Variants in C4orf33 observed in about 807,000 individuals in gnomAD.
The protein encoded by C4orf33 is chromosome 4 open reading frame 33, also known as UPF0462 protein C4orf33.
In C4orf33, 20 loss-of-function variants were observed where a neutral mutation model predicts 24.3. The ratio of observed to expected loss-of-function variants is 0.82; its 90% CI spans 0.58 to 1.19. The LOEUF is 1.19. Among genes scored for constraint, C4orf33 ranks in the 50% most tolerant of loss-of-function variants. C4orf33 has a pLI of 0.00. For synonymous variants in C4orf33, 67 were observed against 76.4 expected (o/e 0.88, Z 0.64); for missense variants, 207 against 225.9 (o/e 0.92, Z 0.54).
rs547277644 is a variant in C4orf33 at position 129,109,311 on chromosome 4, G to A, written c.247G>A (p.Gly83Arg). Residue 83 changes from glycine (G) to arginine (R), a missense_variant, in exon 4 of 6, where the codon GGA (glycine) becomes AGA (arginine). Gly to Arg is a moderately radical substitution (Grantham distance 125). Transcript: ENST00000425929. ...QYLEVELCPH[G>R]QHLVLLLSGR... ...GAGGAATCTTAATTTTGACAGCCAC[G>A]GACAGCATTTAGTGCTTTTACTTTC... 1.1e-4 allele frequency: 178 copies of A among 1,613,838 alleles called. No homozygotes were observed. Among genetic ancestry groups the A allele is most frequent in the Admixed American group, 2.0e-4 (12 of 60,024 alleles).
chr4:129,116,154 A>C lies in C4orf33; in HGVS notation c.*4363A>C, dbSNP rs568851314. 3 of 152,106 alleles carry C rather than the reference A, an allele frequency of 2.0e-5. No individual in the cohort carries two copies. The South Asian group carries it at 6.2e-4, about 31-fold the overall frequency. 9.4% of individuals were successfully genotyped at this position (152,106 alleles called of 1,614,324 possible). A position where few individuals can be genotyped will look rare whatever the true frequency, so the allele number is the denominator to read the frequency against. On this transcript the variant is annotated 3_prime_UTR_variant, in exon 6 of 6. Transcript: ENST00000425929. Reference sequence around the variant, plus strand: ...GGGGTGTCTGTGCATATTTTATTTTATTTCATAATAAATAACCAGTAATTA... The same window carrying C: ...GGGGTGTCTGTGCATATTTTATTTTCTTTCATAATAAATAACCAGTAATTA...
At chr4:129,110,832 T>G (rs765504514) in intron 5 of C4orf33, among the ~76,000 whole-genome samples, 1 of 152,116 alleles carries the variant, frequency 6.6e-6, no homozygotes, top group Non-Finnish European at 1.5e-5. Flanking sequence ...TCCCCTTCCT[T>G]TTTCTTATCC....
chr4:129,102,900 G>C (rs1753403736), intron 2 of C4orf33, 109 bp downstream of exon 2: 1 of 902,444 alleles, frequency 1.1e-6, no homozygotes, highest in Admixed American at 2.7e-5. Flanking sequence ...CTGAGCAATT[G>C]ACATGTACAG....
chr4:129,116,485 T>G lies in C4orf33; in HGVS notation c.*4694T>G, dbSNP rs1753778889. On this transcript the variant is annotated 3_prime_UTR_variant, in exon 6 of 6. Coordinates refer to ENST00000425929, the MANE Select transcript of C4orf33 (RefSeq NM_001099783.2). The stretch of plus-strand genomic sequence containing the variant: ...CCGTTAAACAGCATTTCTGACTCAA[T>G]AGTACACTGAAAGCCCATGTTTGTA... 6.6e-6 allele frequency: 1 copy of G among 152,160 alleles called. No individual in the cohort carries two copies. Among genetic ancestry groups the G allele is most frequent in the African/African-American group, 2.4e-5 (1 of 41,420 alleles). 9.4% of individuals were successfully genotyped at this position (152,160 alleles called of 1,614,324 possible). A position where few individuals can be genotyped will look rare whatever the true frequency, so the allele number is the denominator to read the frequency against.
intron 2 of C4orf33, among the ~76,000 whole-genome samples, chr4:129,105,408 GAAT>G (rs1319024815): frequency 7.2e-5 from 11 of 152,088 alleles, no homozygotes; most frequent in African/African-American, 2.7e-4. Flanking sequence ...GAAACAACTA[GAAT>G]AATATGTTAC....
At chr4:129,110,027 G>T in intron 5 of C4orf33, 1 of 1,044,510 alleles carries the variant, frequency 9.6e-7, no homozygotes, top group Non-Finnish European at 1.2e-6. Flanking sequence ...TTCCTGGTGT[G>T]AACAAACAGT....
At chr4:129,110,782 T>C (rs1753674468) in intron 5 of C4orf33, among the ~76,000 whole-genome samples, 2 of 152,176 alleles carry the variant, frequency 1.3e-5, no homozygotes, top group Admixed American at 1.3e-4. Context: ...TCCCTTTGCC[T>C]TTCTCCCCAA....
In C4orf33 at chr4:129,102,869, GC is replaced by G; in HGVS notation, c.181+79del. On this transcript the variant is annotated intron_variant, in intron 2 of 5. Transcript: ENST00000425929. Reference sequence around the variant, plus strand: ...TCTCACAGAACTATTATTTTATCTTGCTGTTGGGAAGTAAGTGCTTCTGAGC... The same window carrying G: ...TCTCACAGAACTATTATTTTATCTTGTGTTGGGAAGTAAGTGCTTCTGAGC... 11 of 1,356,728 alleles carry G rather than the reference GC, an allele frequency of 8.1e-6. No homozygotes were observed. The South Asian group carries it at 1.6e-4, about 19-fold the overall frequency. The allele number at this position is 1,356,728 out of a possible 1,614,324, so 84.0% of individuals were successfully genotyped here.
intron 3 of C4orf33, among the ~76,000 whole-genome samples, chr4:129,108,673 A>C (rs1353569932): frequency 2.0e-5 from 3 of 152,196 alleles, no homozygotes; most frequent in African/African-American, 7.2e-5. Context: ...AAAAACTCCA[A>C]ATAACATGGT....
At chr4:129,105,243 C>T (rs557999445) in intron 2 of C4orf33, among the ~76,000 whole-genome samples, 3 of 152,214 alleles carry the variant, frequency 2.0e-5, no homozygotes, top group African/African-American at 7.2e-5. Context: ...AGGCTGTCTG[C>T]TGGTAGAATT....
chr4:129,095,620 G>T (rs182933354), upstream of C4orf33, among the ~76,000 whole-genome samples: 1 of 152,198 alleles, frequency 6.6e-6, no homozygotes, highest in Non-Finnish European at 1.5e-5. Flanking sequence ...ACATTCATTT[G>T]GTTGATCAAT....
chr4:129,110,682 TCTC>T (rs1177981366), intron 5 of C4orf33, among the ~76,000 whole-genome samples: 1 of 149,418 alleles, frequency 6.7e-6, no homozygotes, highest in Non-Finnish European at 1.5e-5. Flanking sequence ...CTGTTTGCCT[TCTC>T]CTTCCTGCCA....
intron 1 of C4orf33, among the ~76,000 whole-genome samples, chr4:129,099,917 T>C (rs545819840): frequency 3.4e-4 from 52 of 151,988 alleles, no homozygotes; most frequent in Non-Finnish European, 5.3e-4. Flanking sequence ...CTTTAAGCGA[T>C]ATAAAGTTTA....
chr4:129,095,262 C>T (rs1753163113), upstream of C4orf33, among the ~76,000 whole-genome samples: 1 of 152,184 alleles, frequency 6.6e-6, no homozygotes, highest in Non-Finnish European at 1.5e-5. Context: ...CTCCTTTTCA[C>T]ATCTCCTGAG....
chr4:129,098,331 C>G (rs1029267891), intron 1 of C4orf33, among the ~76,000 whole-genome samples: 8 of 152,120 alleles, frequency 5.3e-5, no homozygotes, highest in Non-Finnish European at 7.4e-5. Flanking sequence ...CTTCCCTCCC[C>G]CCTCTAGTAG....
In C4orf33 at chr4:129,111,815, C is replaced by T. The variant is rs763316305; in HGVS notation, c.*24C>T. ...AGGAGTAATAGATAACCATACCGAT[C>T]ATTTTTTCCTCTATACCTTTTAAGA... On this transcript the variant is annotated 3_prime_UTR_variant, in exon 6 of 6. Transcript: ENST00000425929. The T allele has an allele frequency of 2.2e-6, 3 of 1,353,622 alleles. No homozygotes were observed. Among genetic ancestry groups the T allele is most frequent in the East Asian group, 2.3e-5 (1 of 43,264 alleles). The allele number at this position is 1,353,622 out of a possible 1,614,324, so 83.9% of individuals were successfully genotyped here.
At chr4:129,111,625 A>G (rs1406809533) in intron 5 of C4orf33, 61 bp from the exon 6 acceptor site, 1 of 963,684 alleles carries the variant, frequency 1.0e-6, no homozygotes, top group Non-Finnish European at 1.7e-6. Context: ...GCCCTTCAGG[A>G]CAACTATTTC....
chr4:129,101,931 A>G (rs1302991826), intron 1 of C4orf33, among the ~76,000 whole-genome samples: 3 of 152,166 alleles, frequency 2.0e-5, no homozygotes, highest in Non-Finnish European at 2.9e-5. Context: ...GCTGGGACAA[A>G]GGAAGGCAAA....
At position 129,111,762 on chromosome 4, in the gene C4orf33, C is replaced by G; in HGVS notation, c.571C>G (p.Leu191Val). 1 of 1,610,590 alleles carries G rather than the reference C, an allele frequency of 6.2e-7. No individual in the cohort carries two copies. Among genetic ancestry groups the G allele is most frequent in the Non-Finnish European group, 8.5e-7 (1 of 1,177,156 alleles). Residue 191 changes from leucine to valine, a missense_variant, in exon 6 of 6, where the codon CTG becomes GTG. Transcript: ENST00000425929. ...GEEWKQPESD[L>V]WLIEKCDI ...AGAGTGGAAACAACCGGAATCAGACCTGTGGCTAATAGAGAAATGTGATAT... is the reference window on the plus strand; with the variant it reads ...AGAGTGGAAACAACCGGAATCAGACGTGTGGCTAATAGAGAAATGTGATAT...
Sources: allele counts gnomAD v4.1 joint callset (sites outside exome capture counted in the v4.1 genomes callset), GRCh38; gene constraint gnomAD v4.1.1; transcripts MANE v1.5; gene names NCBI Gene and HGNC (gene_info 2026-07-23, HGNC 2026-07-21).